Variants in NFU1 observed in about 807,000 individuals in gnomAD.
NFU1 encodes NFU1 iron-sulfur cluster scaffold.
A neutral mutation model predicts 32.2 loss-of-function variants in NFU1; 30 were observed. The ratio of observed to expected loss-of-function variants is 0.93; its 90% CI spans 0.70 to 1.26. The LOEUF (loss-of-function observed/expected upper bound fraction) is 1.26. Among genes scored for constraint, NFU1 ranks in the 50% most tolerant of loss-of-function variants. NFU1 has a pLI of 0.00. For synonymous variants in NFU1, 112 were observed against 104.6 expected (o/e 1.07, Z -0.43); for missense variants, 306 against 306.6 (o/e 1.00, Z 0.02).
Position 69,400,555 on chromosome 2 carries a change from T to C in NFU1, c.546-17A>G. ...ACAGTTGGCCTGTGAGGTCAAAGAA[T>C]ATTTATGACATATTCTTTAAAATAC... On this transcript the variant is annotated splice_polypyrimidine_tract_variant and intron_variant, in intron 6 of 7. Coordinates refer to ENST00000410022, the MANE Select transcript of NFU1 (RefSeq NM_001002755.4). 3 of 1,609,918 alleles carry C rather than the reference T, an allele frequency of 1.9e-6. No individual in the cohort carries two copies. The highest frequency in any genetic ancestry group is 2.5e-6 in the Non-Finnish European group (3 of 1,176,490).
chr2:69,436,780 G>A (rs1248285881), intron 1 of NFU1, among the ~76,000 whole-genome samples: 1 of 150,636 alleles, frequency 6.6e-6, no homozygotes, highest in Non-Finnish European at 1.5e-5. Flanking sequence ...AAACTCAAAG[G>A]TAGGGCTCAG....
chr2:69,439,554 C>G (rs116780968), upstream of NFU1, among the ~76,000 whole-genome samples: 4 of 152,178 alleles, frequency 2.6e-5, no homozygotes, highest in African/African-American at 7.2e-5. Context: ...GGAAGGGGAC[C>G]CAAGCAGGTT....
At chr2:69,424,213 A>ATCTC (rs1235380116) in intron 2 of NFU1, among the ~76,000 whole-genome samples, 1 of 137,746 alleles carries the variant, frequency 7.3e-6, no homozygotes, top group African/African-American at 2.8e-5. Context: ...ATATATATAT[A>ATCTC]TATATATCTC....
chr2:69,419,516 T>C (rs1441953323), intron 4 of NFU1, 22 bp downstream of exon 4: 17 of 1,373,042 alleles, frequency 1.2e-5, no homozygotes, highest in Non-Finnish European at 1.8e-5. Flanking sequence ...TCAAGTCTTA[T>C]TTTATATAAT....
At chr2:69,437,540 T>C (rs1243165155), upstream of NFU1, 5 of 1,306,474 alleles carry the variant, frequency 3.8e-6, no homozygotes, top group Non-Finnish European at 5.3e-6. Context: ...CTGCGGGCGG[T>C]CCTGCTGCGG....
chr2:69,419,553 G>A lies in NFU1; in HGVS notation c.354C>T (p.Phe118=). 2 of 1,588,122 alleles carry A rather than the reference G, an allele frequency of 1.3e-6. No individual in the cohort carries two copies. The highest frequency in any genetic ancestry group is 1.7e-6 in the Non-Finnish European group (2 of 1,157,782). ...CTATGTTTACCTTTGTGACAGTGATGAAATCTGGTCCAAAGAAGACACTTT... is the reference window on the plus strand; with the variant it reads ...CTATGTTTACCTTTGTGACAGTGATAAAATCTGGTCCAAAGAAGACACTTT... The part of the protein sequence containing the change: ...GVKSVFFGPD[F]ITVTKENEEL... Residue 118 remains phenylalanine, a synonymous_variant, in exon 4 of 8, where the codon TTC becomes TTT. Transcript: ENST00000410022.
chr2:69,415,478 C>T (rs1383120331), intron 4 of NFU1, among the ~76,000 whole-genome samples, 179 bp from the exon 5 acceptor site: 1 of 151,600 alleles, frequency 6.6e-6, no homozygotes, highest in East Asian at 1.9e-4. Context: ...CTCCTGGGTT[C>T]AAGCGATTCT....
chr2:69,397,539 GTCA>G (rs1672378859), intron 7 of NFU1, among the ~76,000 whole-genome samples: 1 of 151,848 alleles, frequency 6.6e-6, no homozygotes, highest in East Asian at 1.9e-4. Flanking sequence ...ATGTTCCTCA[GTCA>G]ATCCACCAAA....
At chr2:69,437,177 A>T in intron 1 of NFU1, 184 bp downstream of exon 1, 2 of 1,349,550 alleles carry the variant, frequency 1.5e-6, no homozygotes, top group Non-Finnish European at 2.0e-6. Flanking sequence ...ATTAGGCCAC[A>T]GAAGCGCCGA....
intron 2 of NFU1, among the ~76,000 whole-genome samples, chr2:69,424,551 A>G (rs1574143641): frequency 1.3e-5 from 2 of 152,194 alleles, no homozygotes; most frequent in East Asian, 3.9e-4. Flanking sequence ...CAGCCTTCCA[A>G]ACTGTTGGGA....
intron 1 of NFU1, among the ~76,000 whole-genome samples, chr2:69,435,774 C>T (rs1434852156): frequency 6.6e-6 from 1 of 152,138 alleles, no homozygotes; most frequent in African/African-American, 2.4e-5. Flanking sequence ...GAAATAATCT[C>T]GCTTTTCTCA....
intron 2 of NFU1, among the ~76,000 whole-genome samples, chr2:69,431,446 C>T (rs866134550): frequency 1.9e-4 from 29 of 152,164 alleles, no homozygotes; most frequent in African/African-American, 6.5e-4. Context: ...GCTGGGACTA[C>T]ACGTGTGCGC....
chr2:69,433,481 G>A (rs557347934), intron 1 of NFU1, among the ~76,000 whole-genome samples: 146 of 149,784 alleles, frequency 9.7e-4, no homozygotes, highest in African/African-American at 3.4e-3. Context: ...CACCTGGCCC[G>A]TCTTTTTTTT....
At position 69,423,681 on chromosome 2, in the gene NFU1, T is replaced by A; in HGVS notation, c.203A>T (p.Asn68Ile). Residue 68 changes from asparagine to isoleucine, a missense_variant, in exon 3 of 8, where the codon AAT (asparagine) becomes ATT (isoleucine). Transcript: ENST00000410022. ...TGGTATAAACTTTAAGCTGTTTGGA[T>A]TTGGGGTATCTTGTGTTTGAATAAA... The part of the protein sequence containing the change: ...YMFIQTQDTP[N>I]PNSLKFIPGK... 6.2e-7 allele frequency: 1 copy of A among 1,607,554 alleles called. No homozygotes were observed. Among genetic ancestry groups the A allele is most frequent in the Non-Finnish European group, 8.5e-7 (1 of 1,174,054 alleles).
At position 69,400,457 on chromosome 2, in the gene NFU1, A is replaced by G. The variant is rs1672485903; in HGVS notation, c.627T>C (p.Ser209=). The stretch of plus-strand genomic sequence containing the variant: ...TGATTGAACTAGGGCAGCTGGTACA[A>G]GAACCCTGGAGTTTCAGCTGTACAA... ...DGIVQLKLQG[S]CTSCPSSIIT... Residue 209 remains serine (S), a synonymous_variant, in exon 7 of 8, where the codon TCT becomes TCC. Transcript: ENST00000410022. 2 of 1,614,140 alleles carry G rather than the reference A, an allele frequency of 1.2e-6. No individual in the cohort carries two copies. Among genetic ancestry groups the G allele is most frequent in the Non-Finnish European group, 1.7e-6 (2 of 1,179,970 alleles).
chr2:69,409,397 A>C (rs1200696301), intron 5 of NFU1, among the ~76,000 whole-genome samples: 3 of 152,132 alleles, frequency 2.0e-5, no homozygotes, highest in Non-Finnish European at 4.4e-5. Flanking sequence ...TATTTCAGTG[A>C]ACATGTTTCT....
chr2:69,397,249 A>T (rs961949368), intron 7 of NFU1, among the ~76,000 whole-genome samples: 5 of 152,170 alleles, frequency 3.3e-5, no homozygotes, highest in African/African-American at 1.2e-4. Context: ...AGTGAAAAAC[A>T]AAACAAAACA....
chr2:69,412,676 C>T lies in NFU1; in HGVS notation c.484+2509G>A, dbSNP rs559861709. ...CTGGGATTACAGGCGTGAGCCACCA[C>T]GCCCAGCCAAAAAAATTTTAAAAAT... On this transcript the variant is annotated intron_variant, in intron 5 of 7. Transcript: ENST00000410022. Among the ~76,000 whole-genome samples the T allele has an allele frequency of 1.9e-4, 29 of 152,072 alleles. No individual in the cohort carries two copies. In the East Asian group the frequency reaches 3.5e-3, roughly 18 times the overall value.
chr2:69,436,705 G>A (rs181225527), intron 1 of NFU1, among the ~76,000 whole-genome samples: 1 of 152,134 alleles, frequency 6.6e-6, no homozygotes, highest in Non-Finnish European at 1.5e-5. Context: ...TTCTCCAGAC[G>A]TAAAATTAAG....
Sources: allele counts gnomAD v4.1 joint callset (sites outside exome capture counted in the v4.1 genomes callset), GRCh38; gene constraint gnomAD v4.1.1; transcripts MANE v1.5; gene names NCBI Gene and HGNC (gene_info 2026-07-23, HGNC 2026-07-21).